Variants in DTNBP1 observed in about 807,000 individuals in gnomAD.
DTNBP1 encodes the protein dystrobrevin binding protein 1.
Under a neutral mutation model 42.8 loss-of-function variants are expected in DTNBP1, and 35 were observed. That is an observed-to-expected ratio of 0.82 (90% CI 0.63 to 1.09). The LOEUF (loss-of-function observed/expected upper bound fraction) is 1.09, where lower values mean the gene tolerates loss of function less well. DTNBP1 is among the 50% of genes least tolerant of loss of function. The pLI is 0.00. For missense variants in DTNBP1, 457 were observed against 424.2 expected, an observed-to-expected ratio of 1.08 and a Z score of -0.68; for synonymous variants, 171 against 162.2, an observed-to-expected ratio of 1.05 and a Z score of -0.41.
At chr6:15,600,199 G>A (rs1479374122) in intron 6 of DTNBP1, among the ~76,000 whole-genome samples, 1 of 152,172 alleles carries the variant, frequency 6.6e-6, no homozygotes, top group Non-Finnish European at 1.5e-5. Context: ...TGGCACCCAA[G>A]CACAGAGTAC....
At chr6:15,555,223 A>G (rs1774444302) in intron 7 of DTNBP1, among the ~76,000 whole-genome samples, 1 of 150,800 alleles carries the variant, frequency 6.6e-6, no homozygotes, top group Non-Finnish European at 1.5e-5. Context: ...CTTTGCTGGA[A>G]TCTCTTAATG....
At chr6:15,643,005 C>T (rs766664048) in intron 3 of DTNBP1, among the ~76,000 whole-genome samples, 10 of 152,208 alleles carry the variant, frequency 6.6e-5, no homozygotes, top group Admixed American at 1.3e-4. Flanking sequence ...ATAAAAAATA[C>T]GTATTGCAAC....
intron 6 of DTNBP1, among the ~76,000 whole-genome samples, chr6:15,602,858 T>C (rs60517994): frequency 2.6e-4 from 39 of 152,346 alleles, no homozygotes; most frequent in African/African-American, 9.4e-4. Flanking sequence ...CCCCAGCGTG[T>C]CATTTGCATA....
chr6:15,595,257 T>A (rs1776468597), intron 6 of DTNBP1: 1 of 218,602 alleles, frequency 4.6e-6, no homozygotes, highest in Non-Finnish European at 8.2e-6. Context: ...CAACTTTTTT[T>A]TTTTTTTTTT....
At chr6:15,623,921 T>G (rs1398948688) in intron 5 of DTNBP1, among the ~76,000 whole-genome samples, 1 of 152,200 alleles carries the variant, frequency 6.6e-6, no homozygotes, top group Non-Finnish European at 1.5e-5. Context: ...TCTAAACTGT[T>G]TTGCAGCACA....
intron 7 of DTNBP1, among the ~76,000 whole-genome samples, chr6:15,589,488 A>T (rs1776209836): frequency 6.6e-6 from 1 of 152,190 alleles, no homozygotes; most frequent in South Asian, 2.1e-4. Context: ...TTTCAATCAT[A>T]GTCTCACTAG....
At chr6:15,528,437 T>C (rs992078697) in intron 8 of DTNBP1, among the ~76,000 whole-genome samples, 2 of 152,102 alleles carry the variant, frequency 1.3e-5, no homozygotes, top group African/African-American at 4.8e-5. Flanking sequence ...AAATGTCCCC[T>C]TGGGGGCAAA....
At chr6:15,562,000 T>C (rs150504319) in intron 7 of DTNBP1, among the ~76,000 whole-genome samples, 10 of 152,322 alleles carry the variant, frequency 6.6e-5, no homozygotes, top group South Asian at 4.1e-4. Context: ...AGTTACTCTG[T>C]ATGGTCTGGA....
At chr6:15,529,444 A>T (rs914676010) in intron 8 of DTNBP1, among the ~76,000 whole-genome samples, 1 of 152,268 alleles carries the variant, frequency 6.6e-6, no homozygotes, top group African/African-American at 2.4e-5. Flanking sequence ...TGATTCTCAA[A>T]ATCATAGCAC....
chr6:15,641,178 T>C (rs142246282), intron 3 of DTNBP1, among the ~76,000 whole-genome samples: 8 of 152,362 alleles, frequency 5.3e-5, no homozygotes, highest in African/African-American at 1.9e-4. Context: ...GGACATTCAA[T>C]AACAGATGCA....
chr6:15,579,966 C>A, intron 7 of DTNBP1: 3 of 240,948 alleles, frequency 1.2e-5, no homozygotes, highest in Admixed American at 4.6e-5. Context: ...AATTATGTGT[C>A]CATTTAAAAT....
chr6:15,613,357 ATTTTTTTTTTTT>A (rs1184227291), intron 6 of DTNBP1, among the ~76,000 whole-genome samples: 3 of 24,306 alleles, frequency 1.2e-4, no homozygotes, highest in Non-Finnish European at 1.6e-4. Flanking sequence ...CACGGACCCC[ATTTTTTTTTTTT>A]TTTTTTTTTT....
intron 7 of DTNBP1, among the ~76,000 whole-genome samples, chr6:15,551,595 C>CT (rs1774214513): frequency 6.6e-6 from 1 of 152,168 alleles, no homozygotes; most frequent in Admixed American, 6.5e-5. Context: ...GCCCCCTTCT[C>CT]TGACAGGCCA....
At chr6:15,524,149 C>A (rs918205713) in intron 9 of DTNBP1, 2 of 1,404,416 alleles carry the variant, frequency 1.4e-6, no homozygotes, top group East Asian at 7.0e-5. Context: ...GCCTGTCGCA[C>A]GAAGAGGGAA....
intron 7 of DTNBP1, among the ~76,000 whole-genome samples, chr6:15,576,972 A>G (rs1043238462): frequency 3.3e-5 from 5 of 152,206 alleles, no homozygotes; most frequent in Non-Finnish European, 7.3e-5. Flanking sequence ...AGATAAATGT[A>G]TGTTAGGTTT....
chr6:15,543,976 T>C (rs982996912), intron 7 of DTNBP1, among the ~76,000 whole-genome samples: 5 of 152,180 alleles, frequency 3.3e-5, no homozygotes, highest in African/African-American at 1.2e-4. Flanking sequence ...CATTGTTCCA[T>C]CCACAAGATA....
intron 7 of DTNBP1, among the ~76,000 whole-genome samples, chr6:15,569,035 C>T (rs73371514): frequency 2.6e-5 from 4 of 152,272 alleles, no homozygotes; most frequent in East Asian, 1.9e-4. Flanking sequence ...ACCATCCTCA[C>T]AGGCTAACAA....
intron 7 of DTNBP1, among the ~76,000 whole-genome samples, chr6:15,578,008 TG>T (rs1432043931): frequency 6.6e-6 from 1 of 152,222 alleles, no homozygotes; most frequent in East Asian, 1.9e-4. Flanking sequence ...GTGAAGTATG[TG>T]GACAGTACGA....
At chr6:15,530,497 C>T (rs553095406) in intron 8 of DTNBP1, among the ~76,000 whole-genome samples, 2 of 152,332 alleles carry the variant, frequency 1.3e-5, no homozygotes, top group South Asian at 4.1e-4. Context: ...TTCATATTTC[C>T]TTGCAGGTAT....
Sources: gnomAD v4.1 joint callset for allele counts (sites outside exome capture counted in the v4.1 genomes callset) on GRCh38, gnomAD v4.1.1 for gene constraint, MANE v1.5 for transcripts, NCBI Gene and HGNC (gene_info 2026-07-23, HGNC 2026-07-21) for gene names.